The following EPHA6 variants were observed in gnomAD, a reference collection of about 807,000 sequenced individuals.
EPHA6 encodes EPH receptor A6.
In EPHA6, 50 loss-of-function variants were observed where a neutral mutation model predicts 112.0. The ratio of observed to expected loss-of-function variants is 0.45; its 90% confidence interval spans 0.36 to 0.56. EPHA6 has a LOEUF of 0.56. Among genes scored for constraint, EPHA6 ranks in the 20% least tolerant of loss-of-function variants. The pLI, the probability that EPHA6 is intolerant of heterozygous loss-of-function variation, is 0.00. For synonymous variants in EPHA6, 529 were observed against 490.7 expected (o/e 1.08, Z -1.03); for missense variants, 1,280 against 1,417.4 (o/e 0.90, Z 1.56).
chr3:96,969,557 A>T (rs1168932840), intron 2 of EPHA6, among the ~76,000 whole-genome samples: 2 of 152,020 alleles, frequency 1.3e-5, no homozygotes, highest in Admixed American at 6.6e-5. Context: ...TGTTAAAGCA[A>T]CATTAGTGGT....
chr3:97,602,063 T>G (rs567580845), intron 12 of EPHA6, among the ~76,000 whole-genome samples: 1 of 152,062 alleles, frequency 6.6e-6, no homozygotes, highest in African/African-American at 2.4e-5. Context: ...CTTTCTCTAG[T>G]GTCTTCCCCA....
intron 5 of EPHA6, among the ~76,000 whole-genome samples, chr3:97,249,413 T>G (rs2079071613): frequency 6.6e-6 from 1 of 152,158 alleles, no homozygotes; most frequent in Admixed American, 6.6e-5. Flanking sequence ...TCTAGGTGAT[T>G]GTAAAATTTG....
At chr3:96,979,085 T>G (rs953889383) in intron 2 of EPHA6, among the ~76,000 whole-genome samples, 4 of 152,254 alleles carry the variant, frequency 2.6e-5, no homozygotes, top group African/African-American at 9.6e-5. Context: ...ACTTTAAAAT[T>G]TCTAGGGTAC....
rs879429006 is a variant in EPHA6, at chr3:96,839,289, C to CTAACCTCCCGT, written c.385+24283_385+24284insACCTCCCGTTA. On this transcript the variant is annotated intron_variant, in intron 1 of 17. Coordinates refer to ENST00000389672, the MANE Select transcript of EPHA6 (RefSeq NM_001080448.3). Reference sequence around the variant, plus strand: ...ACCTCCCGTTAGATCAGTGGTGGCACTAGATTCTCATAGGAGCGTGAACCC... The same window carrying CTAACCTCCCGT: ...ACCTCCCGTTAGATCAGTGGTGGCACTAACCTCCCGTTAGATTCTCATAGGAGCGTGAACCC... 3.9e-3 allele frequency among the ~76,000 whole-genome samples: 597 copies of CTAACCTCCCGT among 152,110 alleles called. 4 individuals are homozygous for CTAACCTCCCGT. The highest frequency in any genetic ancestry group is 6.7e-3 in the Non-Finnish European group (457 of 67,982).
chr3:97,226,194 T>C (rs2078350366), intron 3 of EPHA6, 70 bp from the exon 4 acceptor site: 3 of 1,265,060 alleles, frequency 2.4e-6, no homozygotes, highest in Non-Finnish European at 3.3e-6. Flanking sequence ...AATTAAAGTA[T>C]GTTGTACATG....
chr3:97,002,513 A>T (rs1209745601), intron 3 of EPHA6, among the ~76,000 whole-genome samples: 2 of 151,546 alleles, frequency 1.3e-5, no homozygotes, highest in Non-Finnish European at 2.9e-5. Context: ...TTAGATGACC[A>T]ATCTGTGGTT....
intron 13 of EPHA6, among the ~76,000 whole-genome samples, chr3:97,620,715 AC>A (rs2093807021): frequency 6.6e-6 from 1 of 152,122 alleles, no homozygotes; most frequent in Non-Finnish European, 1.5e-5. Context: ...ACAATGAGTT[AC>A]CATCTCACAC....
At chr3:97,602,433 A>G (rs1197154232) in intron 12 of EPHA6, among the ~76,000 whole-genome samples, 1 of 152,014 alleles carries the variant, frequency 6.6e-6, no homozygotes. Context: ...GATAAGACAC[A>G]GAGATTTGGG....
At chr3:96,997,713 C>T (rs1159733866) in intron 3 of EPHA6, among the ~76,000 whole-genome samples, 1 of 151,840 alleles carries the variant, frequency 6.6e-6, no homozygotes, top group Non-Finnish European at 1.5e-5. Flanking sequence ...TTATGGTGAC[C>T]TATGATATAG....
chr3:97,198,722 G>C (rs1451860310), intron 3 of EPHA6, among the ~76,000 whole-genome samples: 1 of 152,062 alleles, frequency 6.6e-6, no homozygotes. Context: ...TTGCCTAACT[G>C]TGTTCTGGAA....
At chr3:97,485,868 A>G (rs2091687053) in intron 10 of EPHA6, among the ~76,000 whole-genome samples, 1 of 152,200 alleles carries the variant, frequency 6.6e-6, no homozygotes, top group Non-Finnish European at 1.5e-5. Flanking sequence ...TGCCTTGTCC[A>G]ATACTCACAT....
chr3:97,118,757 T>C (rs2047963295), intron 3 of EPHA6, among the ~76,000 whole-genome samples: 1 of 151,990 alleles, frequency 6.6e-6, no homozygotes, highest in South Asian at 2.1e-4. Flanking sequence ...TTTTTGCATC[T>C]GTAAATGGTA....
At chr3:97,492,728 A>G (rs2091880867) in intron 10 of EPHA6, among the ~76,000 whole-genome samples, 1 of 151,632 alleles carries the variant, frequency 6.6e-6, no homozygotes, top group African/African-American at 2.4e-5. Context: ...TGTTCAAAGA[A>G]TGTAAAGATC....
intron 5 of EPHA6, among the ~76,000 whole-genome samples, chr3:97,344,838 A>G (rs1410362172): frequency 6.6e-6 from 1 of 152,194 alleles, no homozygotes; most frequent in Non-Finnish European, 1.5e-5. Context: ...TGGAAAGAAT[A>G]TCATCAATTC....
Position 96,954,773 on chromosome 3 carries a change from C to CTTTTTTTTT in EPHA6, c.451-32534_451-32526dup, listed in dbSNP as rs10612575. Reference sequence around the variant, plus strand: ...TAGTCTTAAATTTTTACTGGTGTGCCTTTTTTTTTTTTTTTTTTTTTTTTT... The same window carrying CTTTTTTTTT: ...TAGTCTTAAATTTTTACTGGTGTGCCTTTTTTTTTTTTTTTTTTTTTTTTTTTTTTTTTT... On this transcript the variant is annotated intron_variant, in intron 2 of 17. Coordinates refer to ENST00000389672, the MANE Select transcript of EPHA6 (RefSeq NM_001080448.3). Among the ~76,000 whole-genome samples, 13 of 72,686 alleles carry CTTTTTTTTT rather than the reference C, an allele frequency of 1.8e-4. 1 individual carries two copies. Among genetic ancestry groups the CTTTTTTTTT allele is most frequent in the African/African-American group, 6.6e-4 (12 of 18,168 alleles). The allele number at this position is 72,686 out of a possible 152,430, so 47.7% of individuals were successfully genotyped here.
chr3:96,907,796 T>A (rs910804672), intron 2 of EPHA6, among the ~76,000 whole-genome samples: 4 of 151,890 alleles, frequency 2.6e-5, no homozygotes, highest in African/African-American at 9.7e-5. Flanking sequence ...CCTTGGGAAA[T>A]TGTCAAAAGT....
chr3:97,374,628 T>C (rs190805785), intron 5 of EPHA6, among the ~76,000 whole-genome samples: 57 of 152,202 alleles, frequency 3.7e-4, no homozygotes, highest in African/African-American at 1.1e-3. Flanking sequence ...CAGTACTCAA[T>C]AGGTAGTTTT....
chr3:96,826,694 A>G (rs1028298062), intron 1 of EPHA6, among the ~76,000 whole-genome samples: 3 of 152,082 alleles, frequency 2.0e-5, no homozygotes, highest in East Asian at 1.9e-4. Flanking sequence ...TAGTCCTTAT[A>G]TATCTCACGT....
At chr3:97,672,264 T>C (rs1295552791) in intron 14 of EPHA6, among the ~76,000 whole-genome samples, 2 of 152,222 alleles carry the variant, frequency 1.3e-5, no homozygotes, top group Non-Finnish European at 2.9e-5. Context: ...CTTTTAACTC[T>C]AAAGAATGCT....
Sources: allele counts gnomAD v4.1 joint callset (sites outside exome capture counted in the v4.1 genomes callset), GRCh38; gene constraint gnomAD v4.1.1; transcripts MANE v1.5; gene names NCBI Gene and HGNC (gene_info 2026-07-23, HGNC 2026-07-21).